MEAF6: variants seen among roughly 807,000 people sequenced by gnomAD.
MEAF6 encodes MYST/Esa1 associated factor 6.
Under a neutral mutation model 28.9 loss-of-function variants are expected in MEAF6, and 15 were observed. The observed-to-expected ratio is 0.52, with a 90% CI of 0.35 to 0.80. The LOEUF (loss-of-function observed/expected upper bound fraction) is 0.80, where lower values mean the gene tolerates loss of function less well. Ranked by LOEUF, MEAF6 falls within the 30% of genes least tolerant of loss-of-function variation. MEAF6 has a pLI of 0.01. For synonymous variants in MEAF6, 97 were observed against 88.7 expected (o/e 1.09, Z -0.53); for missense variants, 178 against 237.5 (o/e 0.75, Z 1.65).
chr1:37,498,326 G>A (rs750362743), intron 5 of MEAF6, among the ~76,000 whole-genome samples: 3 of 151,908 alleles, frequency 2.0e-5, no homozygotes, highest in Non-Finnish European at 2.9e-5. Flanking sequence ...AAAATAGACT[G>A]TATCTAGTTA....
chr1:37,492,986 C>T lies in MEAF6; in HGVS notation c.*1113G>A, dbSNP rs1367476717. On this transcript the variant is annotated 3_prime_UTR_variant, in exon 7 of 7. Transcript: ENST00000296214. ...GGTGATTCCAATGTGCAGCCAGACC[C>T]TGTCGCAAGTTCACCACAGCACTAG... The T allele has an allele frequency of 6.6e-6, 1 of 152,226 alleles. No individual in the cohort carries two copies. The highest frequency in any genetic ancestry group is 2.4e-5 in the African/African-American group (1 of 41,458). 9.4% of individuals were successfully genotyped at this position (152,226 alleles called of 1,614,324 possible).
chr1:37,501,846 T>C lies in MEAF6; in HGVS notation c.491A>G (p.His164Arg). 6.2e-7 allele frequency: 1 copy of C among 1,603,498 alleles called. No individual in the cohort carries two copies. Among genetic ancestry groups the C allele is most frequent in the South Asian group, 1.1e-5 (1 of 90,156 alleles). ...KAASSTSSGS[H>R]HSSHKKRKNK... ...CTTTCGCTTTTTATGGCTGCTGTGGTGACTCCCTGAGGAAGTAGAAGAAGC... is the reference window on the plus strand; with the variant it reads ...CTTTCGCTTTTTATGGCTGCTGTGGCGACTCCCTGAGGAAGTAGAAGAAGC... The change falls in exon 5 of 7, where the codon CAC becomes CGC. Residue 164 changes from histidine to arginine, a missense_variant. Around this residue, in one of 2 missense-constraint regions of MEAF6, gnomAD observed 124 missense variants for 200.5 expected, o/e 0.62. Coordinates refer to ENST00000296214, the MANE Select transcript of MEAF6 (RefSeq NM_001270875.3).
Position 37,514,729 on chromosome 1 carries a change from C to A in MEAF6, c.18G>T (p.Lys6Asn). The change falls in exon 1 of 7, where the codon AAG becomes AAT. Residue 6 changes from lysine (K) to asparagine (N), a missense_variant. Physicochemically the swap from Lys to Asn is moderately conservative, Grantham distance 94 (BLOSUM62 0). Around this residue, in one of 2 missense-constraint regions of MEAF6, gnomAD observed 54 missense variants for 37.0 expected, o/e 1.46. Transcript: ENST00000296214. ...TGTCCGGGATCTGCGGCGGCGCCGC[C>A]TTGTTGTGCATCGCCATGTTGGGCT... MAMHN[K>N]AAPPQIPDTR... The A allele has an allele frequency of 6.6e-7, 1 of 1,523,334 alleles. No homozygotes were observed. The highest frequency in any genetic ancestry group is 2.8e-5 in the East Asian group (1 of 35,642). The allele number at this position is 1,523,334 out of a possible 1,614,324, so 94.4% of individuals were successfully genotyped here.
intron 6 of MEAF6, among the ~76,000 whole-genome samples, chr1:37,495,334 A>AAATT (rs1642082860): frequency 4.2e-5 from 1 of 23,734 alleles, no homozygotes; most frequent in Middle Eastern, 0.016. Flanking sequence ...CCGTCTCAAA[A>AAATT]AATAAATAAA....
At position 37,501,977 on chromosome 1, in the gene MEAF6, C is replaced by T. The variant is rs949308307; in HGVS notation, c.360G>A (p.Thr120=). Residue 120 remains threonine (T), a synonymous_variant, in exon 5 of 7, where the codon ACG becomes ACA. Transcript: ENST00000296214. Reference sequence around the variant, plus strand: ...GGAAGTCTGGAGAAGTGTCACTTTCCGTCCCACTTCCTGGCTCCCCTGAAG... The same window carrying T: ...GGAAGTCTGGAGAAGTGTCACTTTCTGTCCCACTTCCTGGCTCCCCTGAAG... ...LIEKREPGSG[T]ESDTSPDFHN... The T allele has an allele frequency of 4.4e-6, 7 of 1,605,508 alleles. No homozygotes were observed. The Admixed American group carries it at 5.0e-5, about 12-fold the overall frequency.
chr1:37,507,038 G>A (rs1642506784), intron 4 of MEAF6, among the ~76,000 whole-genome samples: 1 of 152,160 alleles, frequency 6.6e-6, no homozygotes, highest in Admixed American at 6.5e-5. Context: ...ACTAAGTCAG[G>A]GCCGGGCCCT....
At position 37,491,350 on chromosome 1, in the gene MEAF6, C is replaced by T. The variant is rs1012250066; in HGVS notation, c.*2749G>A. On this transcript the variant is annotated 3_prime_UTR_variant, in exon 7 of 7. Transcript: ENST00000296214. Reference sequence around the variant, plus strand: ...CAAAACCCCATCTCCACTAAAAATACAAAACTTAGATGGGCATGGTGGTGC... The same window carrying T: ...CAAAACCCCATCTCCACTAAAAATATAAAACTTAGATGGGCATGGTGGTGC... Among the ~76,000 whole-genome samples the T allele has an allele frequency of 2.0e-5, 3 of 151,992 alleles. No individual in the cohort carries two copies. The highest frequency in any genetic ancestry group is 2.9e-5 in the Non-Finnish European group (2 of 67,982).
At chr1:37,514,549 G>C in intron 1 of MEAF6, 108 bp downstream of exon 1, 1 of 790,136 alleles carries the variant, frequency 1.3e-6, no homozygotes, top group Non-Finnish European at 1.7e-6. Context: ...CCGGCCCGCC[G>C]CGCCGCGCCC....
chr1:37,502,346 G>C (rs1642336287), intron 4 of MEAF6, among the ~76,000 whole-genome samples: 1 of 152,060 alleles, frequency 6.6e-6, no homozygotes, highest in South Asian at 2.1e-4. Flanking sequence ...AGAGCACTGG[G>C]ATCACAGGCA....
intron 2 of MEAF6, among the ~76,000 whole-genome samples, chr1:37,512,456 T>C (rs762847173): frequency 1.3e-4 from 20 of 152,056 alleles, no homozygotes; most frequent in Non-Finnish European, 2.4e-4. Flanking sequence ...TTTGTGAATA[T>C]AGGTAGGAGG....
intron 1 of MEAF6, 122 bp from the exon 2 acceptor site, chr1:37,513,660 TG>T: frequency 1.3e-6 from 1 of 758,240 alleles, no homozygotes. Context: ...AACCACCCTG[TG>T]GAGAGATGGA....
At chr1:37,514,634 C>A in intron 1 of MEAF6, 23 bp downstream of exon 1, 1 of 1,494,230 alleles carries the variant, frequency 6.7e-7, no homozygotes, top group Non-Finnish European at 8.9e-7. Flanking sequence ...CCATGCCGTG[C>A]AACCCCTGTC....
chr1:37,493,077 T>G lies in MEAF6; in HGVS notation c.*1022A>C, dbSNP rs1347289726. 6.6e-6 allele frequency: 1 copy of G among 152,212 alleles called. No homozygotes were observed. Among genetic ancestry groups the G allele is most frequent in the Admixed American group, 6.5e-5 (1 of 15,274 alleles). 9.4% of individuals were successfully genotyped at this position (152,212 alleles called of 1,614,324 possible). A position where few individuals can be genotyped will look rare whatever the true frequency, so the allele number is the denominator to read the frequency against. On this transcript the variant is annotated 3_prime_UTR_variant, in exon 7 of 7. Transcript: ENST00000296214. ...AGCCCTCCAAGAAAGGGAGACCTGGTGGGCAACACTGGCTCTCACTGATGC... is the reference window on the plus strand; with the variant it reads ...AGCCCTCCAAGAAAGGGAGACCTGGGGGGCAACACTGGCTCTCACTGATGC...
At position 37,514,756 on chromosome 1, in the gene MEAF6, AG is replaced by A; in HGVS notation, c.-11del. ...TGTTGTGCATCGCCATGTTGGGCTG[AG>A]GCGGGCGGCGGCGGCGCGAGGTTGG... is the stretch of plus-strand genomic sequence containing the variant. On this transcript the variant is annotated 5_prime_UTR_variant, in exon 1 of 7. Coordinates refer to ENST00000296214, the MANE Select transcript of MEAF6 (RefSeq NM_001270875.3). The A allele has an allele frequency of 1.4e-6, 2 of 1,408,824 alleles. No homozygotes were observed. Among genetic ancestry groups the A allele is most frequent in the Non-Finnish European group, 1.9e-6 (2 of 1,075,080 alleles). The allele number at this position is 1,408,824 out of a possible 1,614,324, so 87.3% of individuals were successfully genotyped here. A position where few individuals can be genotyped will look rare whatever the true frequency, so the allele number is the denominator to read the frequency against.
chr1:37,493,822 G>C lies in MEAF6; in HGVS notation c.*277C>G. 6.4e-7 allele frequency: 1 copy of C among 1,551,002 alleles called. No homozygotes were observed. Among genetic ancestry groups the C allele is most frequent in the Non-Finnish European group, 8.7e-7 (1 of 1,147,162 alleles). On this transcript the variant is annotated 3_prime_UTR_variant, in exon 7 of 7. Transcript: ENST00000296214. ...TTGGGGGAGACATTCATTCTAAGAA[G>C]GGAGAAACGCACAGTTAGCAACTTG...
intron 2 of MEAF6, among the ~76,000 whole-genome samples, chr1:37,511,194 C>G (rs1642658394): frequency 6.6e-6 from 1 of 152,138 alleles, no homozygotes; most frequent in African/African-American, 2.4e-5. Flanking sequence ...TGGGACATCT[C>G]TTAGGCCAGA....
intron 1 of MEAF6, chr1:37,513,940 G>A (rs1642748930): frequency 4.4e-6 from 1 of 226,932 alleles, no homozygotes; most frequent in Non-Finnish European, 8.6e-6. Flanking sequence ...CTCCCCGCAG[G>A]CTCAAGAGAG....
chr1:37,497,332 G>T (rs949774576), intron 5 of MEAF6, among the ~76,000 whole-genome samples: 1 of 151,940 alleles, frequency 6.6e-6, no homozygotes, highest in Admixed American at 6.6e-5. Context: ...TCTGCCTCCC[G>T]GGTTCACGCC....
chr1:37,496,479 A>T (rs1005251307), intron 5 of MEAF6: 1 of 812,246 alleles, frequency 1.2e-6, no homozygotes, highest in Non-Finnish European at 1.7e-6. Flanking sequence ...TATCTATTTT[A>T]AAAGAAATTA....
Sources: allele counts gnomAD v4.1 joint callset (sites outside exome capture counted in the v4.1 genomes callset), GRCh38; gene constraint gnomAD v4.1.1; regional missense constraint gnomAD v4.1.1; transcripts MANE v1.5; gene names NCBI Gene and HGNC (gene_info 2026-07-23, HGNC 2026-07-21).